The following ATE1 variants were observed in gnomAD, a reference collection of about 807,000 sequenced individuals.
The protein encoded by ATE1 is arginyltransferase 1.
Under a neutral mutation model 70.5 loss-of-function variants are expected in ATE1, and 36 were observed. That is an observed-to-expected ratio of 0.51 (90% CI 0.39 to 0.67). The LOEUF (loss-of-function observed/expected upper bound fraction) is 0.67. Among genes scored for constraint, ATE1 ranks in the 30% least tolerant of loss-of-function variants. ATE1 has a pLI of 0.00. For synonymous variants in ATE1, 232 were observed against 219.3 expected (o/e 1.06, Z -0.51); for missense variants, 593 against 629.5 (o/e 0.94, Z 0.62).
chr10:121,919,687 C>G (rs1283433480), intron 3 of ATE1, among the ~76,000 whole-genome samples: 1 of 147,570 alleles, frequency 6.8e-6, no homozygotes, highest in Non-Finnish European at 1.5e-5. Context: ...GTGGGTAGAT[C>G]ACGAGTTCGA....
At chr10:121,761,974 G>A (rs1945059343) in intron 11 of ATE1, among the ~76,000 whole-genome samples, 1 of 152,020 alleles carries the variant, frequency 6.6e-6, no homozygotes, top group African/African-American at 2.4e-5. Flanking sequence ...TTTACTTAAT[G>A]GCCATTCCCT....
At chr10:121,781,196 T>C (rs573215324) in intron 11 of ATE1, among the ~76,000 whole-genome samples, 88 of 152,020 alleles carry the variant, frequency 5.8e-4, no homozygotes, top group African/African-American at 2.1e-3. Flanking sequence ...CTGTATTAGA[T>C]ACCTCTTGGG....
intron 10 of ATE1, among the ~76,000 whole-genome samples, chr10:121,793,406 T>C (rs1590316941): frequency 2.0e-5 from 3 of 152,298 alleles, no homozygotes; most frequent in Middle Eastern, 3.4e-3. Context: ...ACTGGGAATG[T>C]TGGGTAAAAG....
intron 8 of ATE1, among the ~76,000 whole-genome samples, chr10:121,862,797 C>G (rs974936150): frequency 6.6e-6 from 1 of 152,072 alleles, no homozygotes; most frequent in Non-Finnish European, 1.5e-5. Context: ...CAAAAGTGAC[C>G]TCTAGTTGCC....
chr10:121,924,409 A>C (rs1952000538), intron 1 of ATE1, 80 bp from the exon 2 acceptor site: 1 of 1,393,152 alleles, frequency 7.2e-7, no homozygotes, highest in Non-Finnish European at 1.0e-6. Flanking sequence ...GTTTAAAAAT[A>C]GGAGTGTGTG....
chr10:121,890,057 T>G (rs1190000968), intron 7 of ATE1, among the ~76,000 whole-genome samples: 2 of 152,152 alleles, frequency 1.3e-5, no homozygotes, highest in Non-Finnish European at 2.9e-5. Flanking sequence ...CTTGTCAACA[T>G]TGGTGAATGG....
intron 10 of ATE1, among the ~76,000 whole-genome samples, chr10:121,798,884 G>GTAAGA (rs1946763718): frequency 6.9e-6 from 1 of 144,932 alleles, no homozygotes. Flanking sequence ...GGGTGACAGA[G>GTAAGA]TAAGACTCTG....
chr10:121,882,599 A>G (rs1379043041), intron 7 of ATE1, among the ~76,000 whole-genome samples: 1 of 152,234 alleles, frequency 6.6e-6, no homozygotes, highest in Non-Finnish European at 1.5e-5. Context: ...GAAATGATTG[A>G]TTAGAGTTCA....
intron 7 of ATE1, among the ~76,000 whole-genome samples, chr10:121,885,885 G>A (rs1190959858): frequency 2.0e-5 from 3 of 152,014 alleles, no homozygotes; most frequent in Non-Finnish European, 2.9e-5. Flanking sequence ...TGGCAACAGA[G>A]GGAAAGACTG....
intron 11 of ATE1, among the ~76,000 whole-genome samples, chr10:121,783,925 TCCCAGGC>T (rs1946101951): frequency 6.6e-6 from 1 of 152,178 alleles, no homozygotes; most frequent in South Asian, 2.1e-4. Flanking sequence ...TTGCTCTCTT[TCCCAGGC>T]TGAGGTGCAG....
At chr10:121,798,366 C>A (rs1328747058) in intron 10 of ATE1, among the ~76,000 whole-genome samples, 4 of 152,058 alleles carry the variant, frequency 2.6e-5, no homozygotes. Flanking sequence ...AAAGTATATG[C>A]CAATGAAATA....
intron 5 of ATE1, among the ~76,000 whole-genome samples, chr10:121,908,640 C>T (rs1395650495): frequency 2.6e-5 from 4 of 152,188 alleles, no homozygotes; most frequent in Non-Finnish European, 4.4e-5. Flanking sequence ...TGAATTTAAG[C>T]ATGGAACATC....
At chr10:121,797,109 G>A (rs987811006) in intron 10 of ATE1, among the ~76,000 whole-genome samples, 1 of 152,166 alleles carries the variant, frequency 6.6e-6, no homozygotes, top group Non-Finnish European at 1.5e-5. Flanking sequence ...GGAAAAATTG[G>A]ATTTCACAAT....
rs1037178502 is a variant in ATE1 at position 121,859,547 on chromosome 10, G to A, written c.975+10459C>T. Among the ~76,000 whole-genome samples, 3 of 152,240 alleles carry A rather than the reference G, an allele frequency of 2.0e-5. No homozygotes were observed. In the South Asian group the frequency reaches 6.2e-4, roughly 32 times the overall value. Reference sequence around the variant, plus strand: ...CTGGGATTACAGGCGTGAGCCACAAGTTATTATTTTATTAAGAGATGTAAT... The same window carrying A: ...CTGGGATTACAGGCGTGAGCCACAAATTATTATTTTATTAAGAGATGTAAT... On this transcript the variant is annotated intron_variant, in intron 8 of 11. Coordinates refer to ENST00000224652, the MANE Select transcript of ATE1 (RefSeq NM_001001976.3).
chr10:121,846,878 T>C (rs1948846037), intron 8 of ATE1, among the ~76,000 whole-genome samples: 1 of 152,026 alleles, frequency 6.6e-6, no homozygotes, highest in South Asian at 2.1e-4. Flanking sequence ...TAGAAACAGA[T>C]ACAATACAAA....
chr10:121,911,202 T>A, intron 4 of ATE1, 51 bp from the exon 5 acceptor site: 1 of 1,577,686 alleles, frequency 6.3e-7, no homozygotes, highest in Non-Finnish European at 8.6e-7. Context: ...TTTGATACAG[T>A]TAGGTAAATA....
At chr10:121,745,355 A>G (rs1282507688) in intron 11 of ATE1, among the ~76,000 whole-genome samples, 9 of 152,144 alleles carry the variant, frequency 5.9e-5, no homozygotes, top group African/African-American at 2.2e-4. Flanking sequence ...CTCCCCGGAG[A>G]TCCTAATACA....
intron 8 of ATE1, among the ~76,000 whole-genome samples, chr10:121,858,880 G>A (rs1949360926): frequency 6.6e-6 from 1 of 151,872 alleles, no homozygotes; most frequent in Non-Finnish European, 1.5e-5. Flanking sequence ...CAGATCATCT[G>A]AGGTCGGGAG....
chr10:121,794,997 C>T (rs1323533073), intron 10 of ATE1, among the ~76,000 whole-genome samples: 1 of 152,200 alleles, frequency 6.6e-6, no homozygotes, highest in African/African-American at 2.4e-5. Flanking sequence ...CCTGTAATCC[C>T]AGTACCGTGG....
Sources: gnomAD v4.1 joint callset for allele counts (sites outside exome capture counted in the v4.1 genomes callset) on GRCh38, gnomAD v4.1.1 for gene constraint, MANE v1.5 for transcripts, NCBI Gene and HGNC (gene_info 2026-07-23, HGNC 2026-07-21) for gene names.